Variants in TFIP11 observed in about 807,000 individuals in gnomAD.
TFIP11 encodes the protein tuftelin-interacting protein 11.
TFIP11 carries 86 observed loss-of-function variants against 96.8 expected under a neutral mutation model. The ratio of observed to expected loss-of-function variants is 0.89; its 90% CI spans 0.75 to 1.06. TFIP11 has a LOEUF of 1.06. TFIP11 is among the 50% of genes least tolerant of loss of function. The probability of loss-of-function intolerance (pLI) is 0.00; values close to 1 mark genes in which losing one functional copy is unlikely to be tolerated. For synonymous variants in TFIP11, 405 were observed against 395.2 expected, an observed-to-expected ratio of 1.02 and a Z score of -0.29; for missense variants, 881 against 1,076.7, an observed-to-expected ratio of 0.82 and a Z score of 2.54.
At chr22:26,493,427 T>A (rs977220962) in intron 14 of TFIP11, 1 of 152,308 alleles carries the variant, frequency 6.6e-6, no homozygotes, top group Non-Finnish European at 1.5e-5. Flanking sequence ...TCAGCCTCGC[T>A]GGGCTTATCT....
In TFIP11 at chr22:26,499,543, G is replaced by T. The variant is rs369951444; in HGVS notation, c.890C>A (p.Pro297Gln). 5 of 1,614,050 alleles carry T rather than the reference G, an allele frequency of 3.1e-6. No homozygotes were observed. The highest frequency in any genetic ancestry group is 4.2e-6 in the Non-Finnish European group (5 of 1,180,048). ...CTGTGGCAGCTGTTGGGACTGTAGC[G>T]GCAGCCCATCATCGGGAACGTTGTG... is the stretch of plus-strand genomic sequence containing the variant. The part of the protein sequence containing the change: ...HKHNVPDDGL[P>Q]LQSQQLPQSG... Residue 297 changes from proline (P) to glutamine (Q), a missense_variant, in exon 9 of 15, where the codon CCG becomes CAG. Transcript: ENST00000407690.
intron 8 of TFIP11, 50 bp downstream of exon 8, chr22:26,501,850 A>T (rs1414599984): frequency 3.0e-6 from 4 of 1,317,684 alleles, no homozygotes; most frequent in South Asian, 1.4e-5. Context: ...ATGTTCAGTG[A>T]TTATTTCTGG....
chr22:26,503,976 A>G (rs1273535995), intron 6 of TFIP11, among the ~76,000 whole-genome samples, 183 bp from the exon 7 acceptor site: 1 of 152,132 alleles, frequency 6.6e-6, no homozygotes, highest in Non-Finnish European at 1.5e-5. Flanking sequence ...GAAACTTATG[A>G]GCATTTATGC....
Position 26,501,978 on chromosome 22 carries a change from C to T in TFIP11, c.723G>A (p.Lys241=), listed in dbSNP as rs1446574041. ...GSKKKPKYSY[K]TVEELKAKGR... is the part of the protein sequence containing the mutation. ...CCTTGGCCTTCAACTCTTCCACGGTCTTGTAAGAGTATTTGGGCTTCTTCT... is the reference window on the plus strand; with the variant it reads ...CCTTGGCCTTCAACTCTTCCACGGTTTTGTAAGAGTATTTGGGCTTCTTCT... Residue 241 remains lysine, a synonymous_variant, in exon 8 of 15, where the codon AAG becomes AAA. Transcript: ENST00000407690. The T allele has an allele frequency of 6.2e-6, 10 of 1,613,858 alleles. No homozygotes were observed. In the South Asian group the frequency reaches 1.1e-4, roughly 18 times the overall value.
intron 12 of TFIP11, 55 bp downstream of exon 12, chr22:26,496,018 A>G: frequency 6.3e-7 from 1 of 1,589,160 alleles, no homozygotes; most frequent in Non-Finnish European, 8.6e-7. Context: ...TGCTAACCAC[A>G]GAAACCAGGG....
intron 14 of TFIP11, 129 bp downstream of exon 14, chr22:26,494,010 C>G: frequency 9.9e-7 from 1 of 1,012,312 alleles, no homozygotes. Context: ...GAGTCTGTTG[C>G]TATGTGCAAA....
rs150268332 is a variant in TFIP11, at chr22:26,495,260, CTTTTTTTTTTTTTTTT to C, written c.1850-337_1850-322del. ...TACAGGCATAAGTCACAACTCCTGG[CTTTTTTTTTTTTTTTT>C]TTTTTTTTTTTTTTTTTTTGTTGAG... On this transcript the variant is annotated intron_variant, in intron 12 of 14. Transcript: ENST00000407690. 1.2e-3 allele frequency among the ~76,000 whole-genome samples: 71 copies of C among 59,176 alleles called. 1 individual carries two copies. The highest frequency in any genetic ancestry group is 0.019 in the Middle Eastern group (1 of 52). 38.8% of individuals were successfully genotyped at this position (59,176 alleles called of 152,430 possible). A position where few individuals can be genotyped will look rare whatever the true frequency, so the allele number is the denominator to read the frequency against.
chr22:26,509,988 G>GT, intron 4 of TFIP11, 76 bp downstream of exon 4: 5 of 1,475,670 alleles, frequency 3.4e-6, no homozygotes, highest in Admixed American at 3.4e-5. Flanking sequence ...ACTTATCAGG[G>GT]TATCTCCTCC....
At chr22:26,502,996 G>A (rs134135) in intron 7 of TFIP11, among the ~76,000 whole-genome samples, 2 of 152,032 alleles carry the variant, frequency 1.3e-5, no homozygotes, top group Non-Finnish European at 2.9e-5. Flanking sequence ...GACATGAAGA[G>A]TAACATGTCT....
intron 8 of TFIP11, 92 bp downstream of exon 8, chr22:26,501,808 G>T (rs1357639641): frequency 9.0e-5 from 38 of 423,512 alleles, no homozygotes; most frequent in Non-Finnish European, 1.1e-4. Flanking sequence ...AAAAAAAAAA[G>T]CCTAGCTAAA....
Position 26,499,481 on chromosome 22 carries a change from G to C in TFIP11, c.952C>G (p.Pro318Ala). ...KEAKAPGFAL[P>A]ELEHNLQLLI... ...AGCTGCAGGTTGTGCTCCAGCTCGG[G>C]CAGCGCGAAGCCGGGGGCCTTGGCC... Residue 318 changes from proline (P) to alanine (A), a missense_variant, in exon 9 of 15, where the codon CCC (proline) becomes GCC (alanine). Coordinates refer to ENST00000407690, the MANE Select transcript of TFIP11 (RefSeq NM_012143.4). 1 of 1,614,188 alleles carries C rather than the reference G, an allele frequency of 6.2e-7. No homozygotes were observed. Among genetic ancestry groups the C allele is most frequent in the South Asian group, 1.1e-5 (1 of 91,092 alleles).
Position 26,491,584 on chromosome 22 carries a change from G to C in TFIP11, c.*429C>G, listed in dbSNP as rs1236307294. The C allele has an allele frequency of 6.2e-7, 1 of 1,614,140 alleles. No individual in the cohort carries two copies. The stretch of plus-strand genomic sequence containing the variant: ...CTAGAACAGCTCTCCATAGATATTT[G>C]GGAGTTTCGGGAAGAACCAGATTAT... On this transcript the variant is annotated 3_prime_UTR_variant, in exon 15 of 15. Coordinates refer to ENST00000407690, the MANE Select transcript of TFIP11 (RefSeq NM_012143.4).
At chr22:26,508,892 G>T (rs1923732887) in intron 4 of TFIP11, among the ~76,000 whole-genome samples, 1 of 151,854 alleles carries the variant, frequency 6.6e-6, no homozygotes, top group Non-Finnish European at 1.5e-5. Context: ...ATAGGATAGA[G>T]CCTAGAGGCC....
intron 10 of TFIP11, among the ~76,000 whole-genome samples, chr22:26,498,033 C>T (rs1394039607): frequency 2.0e-5 from 3 of 152,168 alleles, no homozygotes; most frequent in Non-Finnish European, 4.4e-5. Context: ...TGGAATATGA[C>T]TCAGCCATAA....
chr22:26,510,534 G>T (rs565168198), intron 3 of TFIP11, 83 bp downstream of exon 3: 351 of 454,796 alleles, frequency 7.7e-4, no homozygotes, highest in Non-Finnish European at 1.1e-3. Context: ...CCTTGTCCTA[G>T]TCAATATCAT....
At position 26,505,696 on chromosome 22, in the gene TFIP11, CTATTTATTTATT is replaced by C. The variant is rs67577358; in HGVS notation, c.520+595_520+606del. On this transcript the variant is annotated intron_variant, in intron 6 of 14. Coordinates refer to ENST00000407690, the MANE Select transcript of TFIP11 (RefSeq NM_012143.4). The stretch of plus-strand genomic sequence containing the variant: ...TAATTCATTTTTGTTTTTATTTATT[CTATTTATTTATT>C]TATTTATTTATTTATTTATTTATTT... 4.9e-3 allele frequency among the ~76,000 whole-genome samples: 707 copies of C among 143,284 alleles called. 6 individuals carry two copies. The highest frequency in any genetic ancestry group is 0.013 in the East Asian group (66 of 4,910). 94.0% of individuals were successfully genotyped at this position (143,284 alleles called of 152,430 possible). A position where few individuals can be genotyped will look rare whatever the true frequency, so the allele number is the denominator to read the frequency against.
chr22:26,498,224 G>C (rs1922305048), intron 10 of TFIP11, among the ~76,000 whole-genome samples: 1 of 152,216 alleles, frequency 6.6e-6, no homozygotes, highest in Non-Finnish European at 1.5e-5. Flanking sequence ...TCGGGGAAAG[G>C]ATGGGAAGGG....
rs766448791 is a variant in TFIP11 at position 26,510,061 on chromosome 22, T to C, written c.209+3A>G. ...GTGAAGCAGCCCCCATGCCAGGCAA[T>C]ACCGTTTGCCTCCAAAGCTGGGCCT... On this transcript the variant is annotated splice_donor_region_variant and intron_variant, in intron 4 of 14. Coordinates refer to ENST00000407690, the MANE Select transcript of TFIP11 (RefSeq NM_012143.4). The C allele has an allele frequency of 1.9e-6, 3 of 1,612,870 alleles. No homozygotes were observed. The highest frequency in any genetic ancestry group is 1.3e-5 in the African/African-American group (1 of 74,984).
intron 4 of TFIP11, among the ~76,000 whole-genome samples, chr22:26,508,209 G>GT (rs1427294077): frequency 3.3e-5 from 5 of 152,206 alleles, no homozygotes; most frequent in Admixed American, 3.3e-4. Context: ...AATTTAGGGA[G>GT]TTTTTTCCTA....
Sources: allele counts gnomAD v4.1 joint callset (sites outside exome capture counted in the v4.1 genomes callset), GRCh38; gene constraint gnomAD v4.1.1; transcripts MANE v1.5; gene names NCBI Gene and HGNC (gene_info 2026-07-23, HGNC 2026-07-21).